Variants in UNC13C observed in about 807,000 individuals in gnomAD.
UNC13C encodes the protein protein unc-13 homolog C.
A neutral mutation model predicts 245.4 loss-of-function variants in UNC13C; 174 were observed. The observed-to-expected ratio is 0.71, with a 90% CI of 0.63 to 0.80. The LOEUF (loss-of-function observed/expected upper bound fraction) is 0.80. Ranked by LOEUF, UNC13C falls within the 30% of genes least tolerant of loss-of-function variation. The pLI is 0.00. For synonymous variants in UNC13C, 992 were observed against 895.1 expected (o/e 1.11, Z -1.93); for missense variants, 2,829 against 2,602.9 (o/e 1.09, Z -1.89).
the UNC13C span, among the ~76,000 whole-genome samples, chr15:53,946,673 GTT>G: frequency 0.016 from 1,548 of 99,272 alleles, 35 homozygotes; most frequent in African/African-American, 0.041. Context: ...GTGAGCTGAG[GTT>G]TTTTTTTTTT....
intron 10 of UNC13C, among the ~76,000 whole-genome samples, chr15:54,284,089 A>G (rs1334502172): frequency 6.6e-6 from 1 of 152,212 alleles, no homozygotes; most frequent in Non-Finnish European, 1.5e-5. Context: ...CAATGACTTT[A>G]GAGATTATTG....
intron 18 of UNC13C, among the ~76,000 whole-genome samples, chr15:54,394,552 C>G (rs558116587): frequency 6.5e-4 from 99 of 151,908 alleles, no homozygotes; most frequent in African/African-American, 2.3e-3. Flanking sequence ...CTCTTTGGAC[C>G]TTTCTTGAGG....
the UNC13C span, among the ~76,000 whole-genome samples, chr15:53,886,657 C>T: frequency 6.6e-6 from 1 of 152,072 alleles, no homozygotes; most frequent in African/African-American, 2.4e-5. Flanking sequence ...TGATTTCCTT[C>T]TAAAGAACAC....
At position 54,323,008 on chromosome 15, in the gene UNC13C, C is replaced by CT. The variant is rs59778832; in HGVS notation, c.4425+926dup. ...TCCTGTGAGACAGGTTTTTTGTTCT[C>CT]TTTTTTTTTTTTTCATGGAGGAAAC... On this transcript the variant is annotated intron_variant, in intron 14 of 32. Transcript: ENST00000260323. 5.5e-3 allele frequency among the ~76,000 whole-genome samples: 799 copies of CT among 145,052 alleles called. 29 individuals are homozygous for CT. In the East Asian group the frequency reaches 0.092, roughly 17 times the overall value.
chr15:53,979,233 G>C (rs1431968345), intron 1 of UNC13C, among the ~76,000 whole-genome samples: 1 of 152,096 alleles, frequency 6.6e-6, no homozygotes, highest in African/African-American at 2.4e-5. Context: ...GAAAGGCTGG[G>C]ATATTCCATA....
chr15:54,520,396 C>T (rs1183434041), intron 24 of UNC13C, among the ~76,000 whole-genome samples: 1 of 152,086 alleles, frequency 6.6e-6, no homozygotes, highest in Non-Finnish European at 1.5e-5. Flanking sequence ...TGATATGCTA[C>T]AGCTGAAGCA....
intron 2 of UNC13C, among the ~76,000 whole-genome samples, chr15:54,114,938 T>C (rs1412202811): frequency 6.6e-6 from 1 of 152,128 alleles, no homozygotes; most frequent in Admixed American, 6.5e-5. Context: ...GATTTGAGCA[T>C]CTTTTCCTTT....
At chr15:53,989,186 A>G (rs1894273478) in intron 1 of UNC13C, among the ~76,000 whole-genome samples, 1 of 151,818 alleles carries the variant, frequency 6.6e-6, no homozygotes, top group African/African-American at 2.4e-5. Context: ...TTAAATAGAT[A>G]CCTCCCTTCC....
intron 30 of UNC13C, among the ~76,000 whole-genome samples, chr15:54,610,825 T>A (rs1448342375): frequency 2.0e-5 from 3 of 152,258 alleles, no homozygotes; most frequent in Non-Finnish European, 4.4e-5. Context: ...ACGTACCTTT[T>A]ACATACACTG....
At chr15:53,980,622 C>T (rs1893888873) in intron 1 of UNC13C, among the ~76,000 whole-genome samples, 1 of 151,972 alleles carries the variant, frequency 6.6e-6, no homozygotes, top group Admixed American at 6.6e-5. Flanking sequence ...AATGTTTTTT[C>T]AGTAAAATTT....
intron 19 of UNC13C, among the ~76,000 whole-genome samples, chr15:54,477,858 T>G (rs1188039948): frequency 1.3e-5 from 2 of 150,206 alleles, no homozygotes; most frequent in Non-Finnish European, 3.0e-5. Context: ...CTTTTTCTAT[T>G]GATTGGAATA....
intron 12 of UNC13C, among the ~76,000 whole-genome samples, chr15:54,299,331 A>G (rs2037515652): frequency 1.3e-5 from 2 of 152,184 alleles, no homozygotes; most frequent in Non-Finnish European, 2.9e-5. Context: ...TTATTTCGTT[A>G]CAAAATTCTC....
intron 17 of UNC13C, among the ~76,000 whole-genome samples, chr15:54,366,308 A>AT (rs1314849834): frequency 1.1e-4 from 17 of 152,100 alleles, no homozygotes; most frequent in Admixed American, 1.1e-3. Flanking sequence ...AGCTTGGGGT[A>AT]TTTATGTTCA....
chr15:54,121,060 C>T (rs1567029674), intron 2 of UNC13C, among the ~76,000 whole-genome samples: 1 of 152,136 alleles, frequency 6.6e-6, no homozygotes, highest in Non-Finnish European at 1.5e-5. Context: ...AAAGCAGCAG[C>T]AGCGTTTGAG....
At chr15:54,453,122 C>T (rs1213564580) in intron 19 of UNC13C, among the ~76,000 whole-genome samples, 2 of 152,162 alleles carry the variant, frequency 1.3e-5, no homozygotes, top group African/African-American at 4.8e-5. Flanking sequence ...AAAGCAATGC[C>T]ATTGCACAGT....
At chr15:54,383,957 A>G (rs2039781956) in intron 17 of UNC13C, among the ~76,000 whole-genome samples, 1 of 152,118 alleles carries the variant, frequency 6.6e-6, no homozygotes, top group South Asian at 2.1e-4. Flanking sequence ...ATCAAGGAAG[A>G]GAAAGACCTC....
chr15:54,592,224 A>C (rs370532771), intron 30 of UNC13C, among the ~76,000 whole-genome samples: 1 of 152,158 alleles, frequency 6.6e-6, no homozygotes, highest in Non-Finnish European at 1.5e-5. Flanking sequence ...CATATGGTCT[A>C]TCTTGGAGAA....
chr15:54,049,132 C>G, intron 2 of UNC13C: 1 of 380,006 alleles, frequency 2.6e-6, no homozygotes, highest in South Asian at 2.4e-5. Context: ...AAGATTGCAT[C>G]CTTACGAGGA....
chr15:54,467,521 A>G (rs1359461721), intron 19 of UNC13C, among the ~76,000 whole-genome samples: 1 of 151,698 alleles, frequency 6.6e-6, no homozygotes, highest in East Asian at 1.9e-4. Context: ...GAAATACACA[A>G]TAAATTATTA....
Sources: gnomAD v4.1 joint callset for allele counts (sites outside exome capture counted in the v4.1 genomes callset) on GRCh38, gnomAD v4.1.1 for gene constraint, MANE v1.5 for transcripts, NCBI Gene and HGNC (gene_info 2026-07-23, HGNC 2026-07-21) for gene names.